ASZ1: variants seen among roughly 807,000 people sequenced by gnomAD.
ASZ1 encodes the protein ankyrin repeat, SAM and basic leucine zipper domain containing 1.
Under a neutral mutation model 61.8 loss-of-function variants are expected in ASZ1, and 67 were observed. The ratio of observed to expected loss-of-function variants is 1.08; its 90% CI spans 0.89 to 1.33. ASZ1 has a LOEUF of 1.33. Ranked by LOEUF, ASZ1 falls within the 40% of genes most tolerant of loss-of-function variation. The pLI, the probability that ASZ1 is intolerant of heterozygous loss-of-function variation, is 0.00. For missense variants in ASZ1, 577 were observed against 554.5 expected, an observed-to-expected ratio of 1.04 and a Z score of -0.41; for synonymous variants, 193 against 192.7, an observed-to-expected ratio of 1.00 and a Z score of -0.01.
intron 4 of ASZ1, among the ~76,000 whole-genome samples, chr7:117,400,781 C>T (rs1184136373): frequency 1.3e-5 from 2 of 152,168 alleles, no homozygotes; most frequent in East Asian, 1.9e-4. Context: ...AATTGGCATT[C>T]ATGATCCTCA....
chr7:117,412,358 T>G (rs1161169123), intron 4 of ASZ1, among the ~76,000 whole-genome samples: 2 of 151,894 alleles, frequency 1.3e-5, no homozygotes, highest in Non-Finnish European at 2.9e-5. Context: ...CTAAAAATTC[T>G]TTATGAAATA....
chr7:117,417,187 T>TAA (rs200992263), intron 4 of ASZ1, among the ~76,000 whole-genome samples: 2 of 148,334 alleles, frequency 1.3e-5, no homozygotes, highest in African/African-American at 4.9e-5. Context: ...CCGTATTAGT[T>TAA]AAAAAAAAAA....
At chr7:117,417,769 C>T (rs1797024153) in intron 4 of ASZ1, among the ~76,000 whole-genome samples, 1 of 152,164 alleles carries the variant, frequency 6.6e-6, no homozygotes, top group South Asian at 2.1e-4. Flanking sequence ...CAGGTTATTT[C>T]TCACATCTAT....
At chr7:117,387,307 TCAACAACAACAACAA>T (rs3034755) in intron 4 of ASZ1, among the ~76,000 whole-genome samples, 9 of 147,382 alleles carry the variant, frequency 6.1e-5, no homozygotes, top group South Asian at 4.4e-4. Flanking sequence ...AGACCCTGTC[TCAACAACAACAACAA>T]CAACAACAAC....
intron 2 of ASZ1, among the ~76,000 whole-genome samples, chr7:117,423,778 C>A (rs972571556): frequency 6.7e-6 from 1 of 149,410 alleles, no homozygotes; most frequent in African/African-American, 2.5e-5. Context: ...AGGAGAATTG[C>A]GTGAACACAC....
At chr7:117,420,426 C>T in intron 3 of ASZ1, 152 bp from the exon 4 acceptor site, 1 of 530,548 alleles carries the variant, frequency 1.9e-6, no homozygotes, top group Non-Finnish European at 3.3e-6. Flanking sequence ...TGTCTTCCTT[C>T]ATCGAAAGAT....
At chr7:117,420,022 G>T in intron 4 of ASZ1, 141 bp downstream of exon 4, 1 of 556,410 alleles carries the variant, frequency 1.8e-6, no homozygotes, top group Non-Finnish European at 3.1e-6. Flanking sequence ...TAATCTTATA[G>T]AATTGGAACA....
At position 117,363,305 on chromosome 7, in the gene ASZ1, A is replaced by C. The variant is rs903572825; in HGVS notation, c.*291T>G. On this transcript the variant is annotated 3_prime_UTR_variant, in exon 13 of 13. Coordinates refer to ENST00000284629, the MANE Select transcript of ASZ1 (RefSeq NM_130768.3). ...CTGACAAATGAACACACTTTAAAAA[A>C]TGTCAAAGATATTAGATATAACTTT... 4 of 182,710 alleles carry C rather than the reference A, an allele frequency of 2.2e-5. No homozygotes were observed. Among genetic ancestry groups the C allele is most frequent in the African/African-American group, 9.3e-5 (4 of 42,826 alleles). The allele number at this position is 182,710 out of a possible 1,614,324, so 11.3% of individuals were successfully genotyped here. A position where few individuals can be genotyped will look rare whatever the true frequency, so the allele number is the denominator to read the frequency against.
intron 10 of ASZ1, among the ~76,000 whole-genome samples, chr7:117,379,637 AC>A (rs1796212572): frequency 6.6e-6 from 1 of 151,838 alleles, no homozygotes; most frequent in South Asian, 2.1e-4. Context: ...TTAAAGGTAT[AC>A]TATAAAAAGC....
intron 2 of ASZ1, among the ~76,000 whole-genome samples, chr7:117,425,759 G>A (rs1046769695): frequency 6.7e-6 from 1 of 150,236 alleles, no homozygotes. Flanking sequence ...GGAGGCCGAG[G>A]TGGGTGATTA....
chr7:117,364,070 T>A (rs1018677717), intron 12 of ASZ1, among the ~76,000 whole-genome samples: 2 of 152,222 alleles, frequency 1.3e-5, no homozygotes, highest in Non-Finnish European at 2.9e-5. Context: ...TTATAAGGAA[T>A]GACAATTGAT....
Position 117,363,613 on chromosome 7 carries a change from T to G in ASZ1, c.1411A>C (p.Thr471Pro). 1 of 1,598,670 alleles carries G rather than the reference T, an allele frequency of 6.3e-7. No individual in the cohort carries two copies. Among genetic ancestry groups the G allele is most frequent in the African/African-American group, 1.3e-5 (1 of 74,260 alleles). Residue 471 changes from threonine (T) to proline (P), a missense_variant, in exon 13 of 13, where the codon ACT (threonine) becomes CCT (proline). Thr to Pro is a conservative substitution (Grantham distance 38, BLOSUM62 -1). Coordinates refer to ENST00000284629, the MANE Select transcript of ASZ1 (RefSeq NM_130768.3). Reference protein sequence around the residue: ...FGFLLFICKLTFQRK With the variant: ...FGFLLFICKLPFQRK Reference sequence around the variant, plus strand: ...TATTTGGATTATTTCCTCTGGAAAGTTAGCTTGCAAATGAAAAGAAGAAAA... The same window carrying G: ...TATTTGGATTATTTCCTCTGGAAAGGTAGCTTGCAAATGAAAAGAAGAAAA...
chr7:117,399,149 G>A (rs1308052960), intron 4 of ASZ1, among the ~76,000 whole-genome samples: 4 of 152,180 alleles, frequency 2.6e-5, no homozygotes, highest in Admixed American at 6.5e-5. Flanking sequence ...AGGATGGCCT[G>A]AGCCCAGGAG....
At chr7:117,423,185 A>G (rs1229539746) in intron 2 of ASZ1, among the ~76,000 whole-genome samples, 1 of 152,010 alleles carries the variant, frequency 6.6e-6, no homozygotes, top group Non-Finnish European at 1.5e-5. Flanking sequence ...ATAAAGGGAG[A>G]TATCAGGTAT....
chr7:117,411,976 TA>T (rs998432620), intron 4 of ASZ1, among the ~76,000 whole-genome samples: 2 of 150,832 alleles, frequency 1.3e-5, no homozygotes, highest in Non-Finnish European at 3.0e-5. Context: ...ATTAAGCAGC[TA>T]AAAAAATGGG....
chr7:117,405,144 C>T (rs1216919342), intron 4 of ASZ1, among the ~76,000 whole-genome samples: 2 of 152,160 alleles, frequency 1.3e-5, no homozygotes, highest in Admixed American at 6.5e-5. Context: ...CCTCTTCCTC[C>T]TTCCCACTAG....
In ASZ1 at chr7:117,367,537, T is replaced by C; in HGVS notation, c.1162-72A>G. 2.4e-6 allele frequency: 3 copies of C among 1,267,312 alleles called. No individual in the cohort carries two copies. In the South Asian group the frequency reaches 7.8e-5, roughly 33 times the overall value. The allele number at this position is 1,267,312 out of a possible 1,614,324, so 78.5% of individuals were successfully genotyped here. On this transcript the variant is annotated intron_variant, in intron 11 of 12. Transcript: ENST00000284629. ...TCTACAACTTTATATCCACAAAGATTATACAACATTCTTAAACATTAGATT... is the reference window on the plus strand; with the variant it reads ...TCTACAACTTTATATCCACAAAGATCATACAACATTCTTAAACATTAGATT...
chr7:117,370,129 G>A (rs976941861), intron 10 of ASZ1, among the ~76,000 whole-genome samples: 1 of 152,126 alleles, frequency 6.6e-6, no homozygotes. Flanking sequence ...AAAGACTCAT[G>A]AAGATAGATA....
At chr7:117,377,791 G>C (rs965537142) in intron 10 of ASZ1, among the ~76,000 whole-genome samples, 1 of 152,006 alleles carries the variant, frequency 6.6e-6, no homozygotes, top group African/African-American at 2.4e-5. Flanking sequence ...CTGATATTAA[G>C]GTTTACCATA....
Sources: allele counts gnomAD v4.1 joint callset (sites outside exome capture counted in the v4.1 genomes callset), GRCh38; gene constraint gnomAD v4.1.1; transcripts MANE v1.5; gene names NCBI Gene and HGNC (gene_info 2026-07-23, HGNC 2026-07-21).